The following KLF8 variants were observed in gnomAD, a reference collection of about 807,000 sequenced individuals.
The protein encoded by KLF8 is Krueppel-like factor 8.
In KLF8, 10 loss-of-function variants were observed where a neutral mutation model predicts 18.2. The observed-to-expected ratio is 0.55, with a 90% confidence interval of 0.34 to 0.93. The LOEUF (loss-of-function observed/expected upper bound fraction) is 0.93. Ranked by LOEUF, KLF8 falls within the 40% of genes least tolerant of loss-of-function variation. KLF8 has a pLI of 0.02. For synonymous variants in KLF8, 109 were observed against 97.3 expected, an observed-to-expected ratio of 1.12 and a Z score of -0.71; for missense variants, 264 against 277.9, an observed-to-expected ratio of 0.95 and a Z score of 0.36.
chrX:56,132,904 A>G, the KLF8 span, among the ~76,000 whole-genome samples: 417 of 111,732 alleles, frequency 3.7e-3, 5 homozygotes, highest in African/African-American at 0.013. Context: ...CATATAAACT[A>G]GAAAACTTAG....
At chrX:55,990,316 C>T in the KLF8 span, among the ~76,000 whole-genome samples, 2 of 111,690 alleles carry the variant, frequency 1.8e-5, no homozygotes, top group African/African-American at 3.3e-5. Flanking sequence ...TAGATCTTTC[C>T]TGCTTTCTCT....
chrX:56,136,152 T>C, the KLF8 span, among the ~76,000 whole-genome samples: 1 of 111,656 alleles, frequency 9.0e-6, no homozygotes, highest in Non-Finnish European at 1.9e-5. Context: ...GAAGAATCAA[T>C]ATTGTGAAAA....
the KLF8 span, among the ~76,000 whole-genome samples, chrX:56,044,819 T>A: frequency 2.7e-5 from 3 of 112,676 alleles, no homozygotes; most frequent in Admixed American, 9.4e-5. Context: ...AAGAGGAGAC[T>A]GCAGAATGAT....
At chrX:56,205,783 C>A in the KLF8 span, among the ~76,000 whole-genome samples, 6 of 111,758 alleles carry the variant, frequency 5.4e-5, no homozygotes, top group South Asian at 2.3e-3. Flanking sequence ...GCCACTGGGT[C>A]CCAGGATTTT....
the KLF8 span, among the ~76,000 whole-genome samples, chrX:56,207,678 C>T: frequency 1.3e-4 from 14 of 111,013 alleles, no homozygotes. Context: ...TTTAACAAGT[C>T]TCTAGGAAGT....
At chrX:56,043,807 T>A in the KLF8 span, among the ~76,000 whole-genome samples, 1 of 112,622 alleles carries the variant, frequency 8.9e-6, no homozygotes, top group African/African-American at 3.2e-5. Context: ...CTTCTGTCAA[T>A]TTAGCCATCT....
the KLF8 span, among the ~76,000 whole-genome samples, chrX:56,151,206 GT>G: frequency 9.0e-6 from 1 of 111,623 alleles, no homozygotes; most frequent in Admixed American, 9.6e-5. Flanking sequence ...AAGACTTTGG[GT>G]TTTCTTCTAA....
intron 1 of KLF8, among the ~76,000 whole-genome samples, chrX:56,244,696 C>T (rs12008339): frequency 0.13 from 14,167 of 111,623 alleles, 1,686 homozygotes; most frequent in African/African-American, 0.38. Flanking sequence ...GAAGGCTTTC[C>T]CAAAGGCCCA....
In KLF8 at chrX:56,275,115, G is replaced by A. The variant is rs193137058; in HGVS notation, c.898+4794G>A. Among the ~76,000 whole-genome samples the A allele has an allele frequency of 5.4e-5, 6 of 111,396 alleles. No homozygotes were observed. In the East Asian group the frequency reaches 1.7e-3, roughly 31 times the overall value. ...AGTAGTACAAACATTTTAACAAAAT[G>A]TATTCCACCAATCCATGAACACGGA... is the stretch of plus-strand genomic sequence containing the variant. On this transcript the variant is annotated intron_variant, in intron 5 of 5. Coordinates refer to ENST00000468660, the MANE Select transcript of KLF8 (RefSeq NM_007250.5).
chrX:56,165,830 C>A, the KLF8 span, among the ~76,000 whole-genome samples: 2 of 105,741 alleles, frequency 1.9e-5, no homozygotes, highest in African/African-American at 7.1e-5. Flanking sequence ...CACTGAACTC[C>A]AGGCTGGGTG....
At chrX:56,129,567 A>G in the KLF8 span, among the ~76,000 whole-genome samples, 1 of 111,506 alleles carries the variant, frequency 9.0e-6, no homozygotes, top group African/African-American at 3.3e-5. Context: ...GTCTCACAGG[A>G]GTCCTGTGGG....
chrX:56,082,846 A>C, the KLF8 span, among the ~76,000 whole-genome samples: 1 of 111,378 alleles, frequency 9.0e-6, no homozygotes, highest in South Asian at 3.7e-4. Flanking sequence ...TGAGCACCTA[A>C]ATATATCATT....
the KLF8 span, among the ~76,000 whole-genome samples, chrX:56,104,030 G>A: frequency 8.9e-6 from 1 of 111,887 alleles, no homozygotes; most frequent in African/African-American, 3.2e-5. Context: ...ATTTGCATAT[G>A]TTGAACCAAC....
chrX:56,097,425 G>A, the KLF8 span, among the ~76,000 whole-genome samples: 3 of 106,058 alleles, frequency 2.8e-5, no homozygotes, highest in African/African-American at 1.0e-4. Context: ...TACTTCTGGG[G>A]CTCAAGCTAT....
chrX:56,059,449 T>C, the KLF8 span, among the ~76,000 whole-genome samples: 4 of 112,187 alleles, frequency 3.6e-5, no homozygotes, highest in Admixed American at 2.8e-4. Context: ...CTGAATGATA[T>C]TGCCTAGGTT....
At chrX:55,996,933 T>A in the KLF8 span, among the ~76,000 whole-genome samples, 5 of 111,999 alleles carry the variant, frequency 4.5e-5, no homozygotes, top group Non-Finnish European at 7.5e-5. Flanking sequence ...AGGGCAGTCA[T>A]GGTGATGTTT....
chrX:56,058,449 C>T, the KLF8 span, among the ~76,000 whole-genome samples: 1 of 101,817 alleles, frequency 9.8e-6, no homozygotes, highest in African/African-American at 3.6e-5. Flanking sequence ...ATCAGCCCGT[C>T]ACCTACATTA....
chrX:56,157,335 G>T, the KLF8 span, among the ~76,000 whole-genome samples: 44 of 109,570 alleles, frequency 4.0e-4, no homozygotes, highest in African/African-American at 1.3e-3. Flanking sequence ...GTATACATAT[G>T]TAACAAACCT....
chrX:56,029,456 G>T, the KLF8 span, among the ~76,000 whole-genome samples: 1 of 110,902 alleles, frequency 9.0e-6, no homozygotes, highest in Admixed American at 9.5e-5. Flanking sequence ...GGAGACTCTT[G>T]CTCCTATTAT....
Sources: allele counts gnomAD v4.1 joint callset (sites outside exome capture counted in the v4.1 genomes callset), GRCh38; gene constraint gnomAD v4.1.1; transcripts MANE v1.5; gene names NCBI Gene and HGNC (gene_info 2026-07-23, HGNC 2026-07-21).